The following BAG2 variants were observed in gnomAD, a reference collection of about 807,000 sequenced individuals.
BAG2 encodes BAG cochaperone 2, also known as BAG family molecular chaperone regulator 2.
BAG2 carries 8 observed loss-of-function variants against 16.4 expected under a neutral mutation model. That is an observed-to-expected ratio of 0.49 (90% CI 0.29 to 0.88). The LOEUF (loss-of-function observed/expected upper bound fraction) is 0.88. BAG2 is among the 40% of genes least tolerant of loss of function. The pLI is 0.09. For missense variants in BAG2, 218 were observed against 248.9 expected, an observed-to-expected ratio of 0.88 and a Z score of 0.84; for synonymous variants, 82 against 89.2, an observed-to-expected ratio of 0.92 and a Z score of 0.46.
In BAG2 at chr6:57,187,677, A is replaced by C. The variant is rs1313851083; in HGVS notation, c.*3487A>C. ...GTTGGGACATTAGGTCCTAAGGCCA[A>C]CTCCCTATTCTAAGGTCTTCAGAAA... On this transcript the variant is annotated 3_prime_UTR_variant, in exon 3 of 3. Transcript: ENST00000370693. 1 of 152,308 alleles carries C rather than the reference A, an allele frequency of 6.6e-6. No homozygotes were observed. The highest frequency in any genetic ancestry group is 1.9e-4 in the East Asian group (1 of 5,188). The allele number at this position is 152,308 out of a possible 1,614,324, so 9.4% of individuals were successfully genotyped here. A position where few individuals can be genotyped will look rare whatever the true frequency, so the allele number is the denominator to read the frequency against.
At chr6:57,183,731 T>C in intron 2 of BAG2, 47 bp from the exon 3 acceptor site, 1 of 1,450,418 alleles carries the variant, frequency 6.9e-7, no homozygotes, top group Admixed American at 2.4e-5. Context: ...AACAAATGCC[T>C]TAATGTTTTT....
Position 57,184,330 on chromosome 6 carries a change from C to T in BAG2, c.*140C>T. The stretch of plus-strand genomic sequence containing the variant: ...GTTTCAGATGAGGAAAATATTCCAT[C>T]AAGTATCTTCAGTTTTGTGAATAAC... On this transcript the variant is annotated 3_prime_UTR_variant, in exon 3 of 3. Coordinates refer to ENST00000370693, the MANE Select transcript of BAG2 (RefSeq NM_004282.4). 1 of 718,698 alleles carries T rather than the reference C, an allele frequency of 1.4e-6. No homozygotes were observed. The highest frequency in any genetic ancestry group is 4.4e-5 in the South Asian group (1 of 22,656). 44.5% of individuals were successfully genotyped at this position (718,698 alleles called of 1,614,324 possible).
intron 1 of BAG2, chr6:57,174,231 C>T (rs775342090): frequency 3.2e-5 from 38 of 1,196,184 alleles, no homozygotes; most frequent in Non-Finnish European, 4.1e-5. Context: ...ACACACATCT[C>T]TCCATGTCTT....
At chr6:57,175,528 A>G (rs535574262) in intron 1 of BAG2, among the ~76,000 whole-genome samples, 1 of 152,364 alleles carries the variant, frequency 6.6e-6, no homozygotes, top group African/African-American at 2.4e-5. Flanking sequence ...GAGGGCATTT[A>G]GCACCCAGAG....
intron 1 of BAG2, among the ~76,000 whole-genome samples, chr6:57,178,720 T>A (rs1593192914): frequency 6.6e-6 from 1 of 152,180 alleles, no homozygotes; most frequent in East Asian, 1.9e-4. Context: ...AATGATGAAA[T>A]CTGGTTTTCA....
Position 57,187,368 on chromosome 6 carries a change from T to G in BAG2, c.*3178T>G, listed in dbSNP as rs1764640713. 2 of 152,162 alleles carry G rather than the reference T, an allele frequency of 1.3e-5. No homozygotes were observed. The highest frequency in any genetic ancestry group is 4.1e-4 in the South Asian group (2 of 4,828). The allele number at this position is 152,162 out of a possible 1,614,324, so 9.4% of individuals were successfully genotyped here. On this transcript the variant is annotated 3_prime_UTR_variant, in exon 3 of 3. Coordinates refer to ENST00000370693, the MANE Select transcript of BAG2 (RefSeq NM_004282.4). Reference sequence around the variant, plus strand: ...TTTAAATATTTTGTTAGCAAATGAATTCATCTGTATGATGAGAGACTTACA... The same window carrying G: ...TTTAAATATTTTGTTAGCAAATGAAGTCATCTGTATGATGAGAGACTTACA...
At chr6:57,174,519 C>A in intron 1 of BAG2, 1 of 748,012 alleles carries the variant, frequency 1.3e-6, no homozygotes, top group Non-Finnish European at 1.9e-6. Context: ...GATTAAATTA[C>A]AACTTGCTTA....
chr6:57,174,638 A>T (rs1593189555), intron 1 of BAG2, among the ~76,000 whole-genome samples: 1 of 152,152 alleles, frequency 6.6e-6, no homozygotes, highest in Admixed American at 6.5e-5. Context: ...CTTTTTAAAA[A>T]AGTAATACTA....
At position 57,187,331 on chromosome 6, in the gene BAG2, T is replaced by C. The variant is rs1203922255; in HGVS notation, c.*3141T>C. ...AGTTTGATGACTGGATATTTCAGAG[T>C]CTACTGCGGGTTTTAAATATTTTGT... On this transcript the variant is annotated 3_prime_UTR_variant, in exon 3 of 3. Coordinates refer to ENST00000370693, the MANE Select transcript of BAG2 (RefSeq NM_004282.4). 1 of 152,080 alleles carries C rather than the reference T, an allele frequency of 6.6e-6. No homozygotes were observed. The highest frequency in any genetic ancestry group is 1.5e-5 in the Non-Finnish European group (1 of 68,004). 9.4% of individuals were successfully genotyped at this position (152,080 alleles called of 1,614,324 possible). A position where few individuals can be genotyped will look rare whatever the true frequency, so the allele number is the denominator to read the frequency against.
chr6:57,179,836 G>A (rs755825455), intron 1 of BAG2, among the ~76,000 whole-genome samples: 8 of 152,096 alleles, frequency 5.3e-5, no homozygotes, highest in South Asian at 4.1e-4. Flanking sequence ...GGAAAGTAGT[G>A]CTTCTATAGT....
chr6:57,173,087 T>G, intron 1 of BAG2: 1 of 970,976 alleles, frequency 1.0e-6, no homozygotes, highest in Non-Finnish European at 1.3e-6. Flanking sequence ...TACCTAGGTG[T>G]TAGGGAGCGG....
At chr6:57,174,330 T>C in intron 1 of BAG2, 1 of 1,304,184 alleles carries the variant, frequency 7.7e-7, no homozygotes, top group Non-Finnish European at 1.0e-6. Context: ...GGGAGGTTGT[T>C]ACTCCACTCC....
At position 57,184,169 on chromosome 6, in the gene BAG2, T is replaced by C. The variant is rs758622463; in HGVS notation, c.615T>C (p.Asn205=). 5 of 1,549,950 alleles carry C rather than the reference T, an allele frequency of 3.2e-6. No homozygotes were observed. The highest frequency in any genetic ancestry group is 2.2e-5 in the East Asian group (1 of 44,584). Residue 205 remains asparagine, a synonymous_variant, in exon 3 of 3, where the codon AAT becomes AAC. Coordinates refer to ENST00000370693, the MANE Select transcript of BAG2 (RefSeq NM_004282.4). The part of the protein sequence containing the change: ...KGAGSKTLQQ[N]AESRFN ...CTGGTTCCAAAACTCTGCAACAAAATGCTGAAAGCAGATTCAATTAGTCTT... is the reference window on the plus strand; with the variant it reads ...CTGGTTCCAAAACTCTGCAACAAAACGCTGAAAGCAGATTCAATTAGTCTT...
chr6:57,172,896 G>T, intron 1 of BAG2, 86 bp downstream of exon 1: 1 of 1,186,412 alleles, frequency 8.4e-7, no homozygotes, highest in Non-Finnish European at 1.1e-6. Context: ...CGCGTGTGGC[G>T]GGCCGGGGCC....
chr6:57,187,432 A>C lies in BAG2; in HGVS notation c.*3242A>C, dbSNP rs1303418955. The C allele has an allele frequency of 1.3e-5, 2 of 152,208 alleles. No homozygotes were observed. The highest frequency in any genetic ancestry group is 2.4e-5 in the African/African-American group (1 of 41,458). 9.4% of individuals were successfully genotyped at this position (152,208 alleles called of 1,614,324 possible). ...AAAACCTAAGGAGTGACAATAGTACATGTGACATTCTTAACAGTTAAAAAC... is the reference window on the plus strand; with the variant it reads ...AAAACCTAAGGAGTGACAATAGTACCTGTGACATTCTTAACAGTTAAAAAC... On this transcript the variant is annotated 3_prime_UTR_variant, in exon 3 of 3. Coordinates refer to ENST00000370693, the MANE Select transcript of BAG2 (RefSeq NM_004282.4).
Position 57,181,441 on chromosome 6 carries a change from C to T in BAG2, c.114-591C>T, listed in dbSNP as rs1227571037. On this transcript the variant is annotated intron_variant, in intron 1 of 2. Coordinates refer to ENST00000370693, the MANE Select transcript of BAG2 (RefSeq NM_004282.4). ...GTGTGGTGGCTCACACCTGTAATCC[C>T]AGCACTTTGGGAGGCTGCGGTGGGC... 2.6e-5 allele frequency among the ~76,000 whole-genome samples: 4 copies of T among 152,066 alleles called. No homozygotes were observed. The East Asian group carries it at 5.8e-4, about 22-fold the overall frequency.
chr6:57,175,148 C>CG lies in BAG2; in HGVS notation c.113+2339dup, dbSNP rs1764241138. Among the ~76,000 whole-genome samples the CG allele has an allele frequency of 4.6e-5, 7 of 152,162 alleles. No individual in the cohort carries two copies. In the South Asian group the frequency reaches 1.4e-3, roughly 32 times the overall value. On this transcript the variant is annotated intron_variant, in intron 1 of 2. Coordinates refer to ENST00000370693, the MANE Select transcript of BAG2 (RefSeq NM_004282.4). ...GGTGATTCCCTTTTCTCCGTTTTGA[C>CG]GATCAGTTCTAAATGGACTCTGAGT...
intron 1 of BAG2, among the ~76,000 whole-genome samples, chr6:57,177,045 A>G (rs1171915962): frequency 6.6e-6 from 1 of 152,230 alleles, no homozygotes; most frequent in East Asian, 1.9e-4. Flanking sequence ...TCAGAATTTT[A>G]CATTGCCTAA....
chr6:57,174,185 G>A (rs1764212845), intron 1 of BAG2: 1 of 1,088,860 alleles, frequency 9.2e-7, no homozygotes, highest in African/African-American at 1.6e-5. Context: ...CCCTCTAACT[G>A]GTAATGTTTC....
Sources: allele counts gnomAD v4.1 joint callset (sites outside exome capture counted in the v4.1 genomes callset), GRCh38; gene constraint gnomAD v4.1.1; transcripts MANE v1.5; gene names NCBI Gene and HGNC (gene_info 2026-07-23, HGNC 2026-07-21).